PPP1R12B: variants seen among roughly 807,000 people sequenced by gnomAD.
PPP1R12B encodes the protein protein phosphatase 1 regulatory subunit 12B, also known as myosin phosphatase target subunit 2.
In PPP1R12B, 76 loss-of-function variants were observed where a neutral mutation model predicts 126.1. The ratio of observed to expected loss-of-function variants is 0.60; its 90% CI spans 0.50 to 0.73. The LOEUF is 0.73. Ranked by LOEUF, PPP1R12B falls within the 30% of genes least tolerant of loss-of-function variation. PPP1R12B has a pLI of 0.00. For synonymous variants in PPP1R12B, 356 were observed against 434.7 expected, an observed-to-expected ratio of 0.82 and a Z score of 2.25; for missense variants, 1,052 against 1,205.1, an observed-to-expected ratio of 0.87 and a Z score of 1.88.
At chr1:202,394,907 C>T (rs1351777537) in intron 1 of PPP1R12B, among the ~76,000 whole-genome samples, 1 of 151,902 alleles carries the variant, frequency 6.6e-6, no homozygotes, top group Non-Finnish European at 1.5e-5. Context: ...CACCTGAGGT[C>T]AGGAATTCAA....
intron 1 of PPP1R12B, among the ~76,000 whole-genome samples, chr1:202,357,323 G>T (rs1026426881): frequency 6.6e-6 from 1 of 152,186 alleles, no homozygotes; most frequent in Admixed American, 6.5e-5. Context: ...TGAGGAGAAG[G>T]CCTGTAAAAA....
chr1:202,348,918 C>T lies in PPP1R12B; in HGVS notation c.67C>T (p.Leu23Phe), dbSNP rs759410284. 1.2e-6 allele frequency: 2 copies of T among 1,608,654 alleles called. No individual in the cohort carries two copies. The highest frequency in any genetic ancestry group is 1.3e-5 in the African/African-American group (1 of 74,840). Residue 23 changes from leucine to phenylalanine, a missense_variant, in exon 1 of 24, where the codon CTT becomes TTT. Coordinates refer to ENST00000608999, the MANE Select transcript of PPP1R12B (RefSeq NM_002481.4). ...ESARMRRAEQLRRWRGSLTEQ... is the reference protein window; with the variant it reads ...ESARMRRAEQFRRWRGSLTEQ... ...GGCGCGAATGCGGCGGGCAGAGCAG[C>T]TTCGGCGCTGGCGGGGCTCGCTGAC...
chr1:202,438,136 T>C, intron 10 of PPP1R12B, 112 bp downstream of exon 10: 1 of 1,567,886 alleles, frequency 6.4e-7, no homozygotes, highest in Non-Finnish European at 8.6e-7. Context: ...ATTTTGGAAA[T>C]GCAAAGTCTT....
chr1:202,439,596 T>C (rs1671345041), intron 10 of PPP1R12B: 6 of 1,117,294 alleles, frequency 5.4e-6, no homozygotes, highest in Non-Finnish European at 8.0e-6. Context: ...ACCCCCTCTG[T>C]ACACCATGGA....
intron 18 of PPP1R12B, among the ~76,000 whole-genome samples, chr1:202,509,391 G>C (rs1204738539): frequency 6.6e-6 from 1 of 152,152 alleles, no homozygotes; most frequent in Non-Finnish European, 1.5e-5. Context: ...TAGTCTCTCT[G>C]TTATGTTTTA....
chr1:202,354,068 G>T (rs1177000351), intron 1 of PPP1R12B, among the ~76,000 whole-genome samples: 1 of 152,078 alleles, frequency 6.6e-6, no homozygotes, highest in African/African-American at 2.4e-5. Context: ...CAGTCTTGTT[G>T]TTAACATAAA....
intron 1 of PPP1R12B, among the ~76,000 whole-genome samples, chr1:202,365,179 G>C (rs2148424329): frequency 6.6e-6 from 1 of 152,234 alleles, no homozygotes. Flanking sequence ...GCCAGCTTTA[G>C]TGGCTCATGC....
chr1:202,359,736 G>A (rs896023805), intron 1 of PPP1R12B, among the ~76,000 whole-genome samples: 5 of 152,168 alleles, frequency 3.3e-5, no homozygotes, highest in Admixed American at 1.3e-4. Flanking sequence ...TCCGGGAGGC[G>A]GAGCTTGCAG....
At chr1:202,536,927 T>C (rs1053130613) in intron 18 of PPP1R12B, among the ~76,000 whole-genome samples, 9 of 152,254 alleles carry the variant, frequency 5.9e-5, no homozygotes, top group Non-Finnish European at 1.2e-4. Flanking sequence ...TCACTTCCTA[T>C]CATAACAATG....
intron 13 of PPP1R12B, among the ~76,000 whole-genome samples, chr1:202,452,097 C>CTCAGACGATGGGCAGCTG (rs1673047140): frequency 6.6e-6 from 1 of 151,884 alleles, no homozygotes; most frequent in South Asian, 2.1e-4. Flanking sequence ...CTCCCCACAT[C>CTCAGACGATGGGCAGCTG]TCAGACGATG....
chr1:202,557,682 T>C (rs1687099742), intron 18 of PPP1R12B, among the ~76,000 whole-genome samples: 1 of 152,214 alleles, frequency 6.6e-6, no homozygotes, highest in African/African-American at 2.4e-5. Flanking sequence ...GGCTGCATTC[T>C]AGACCTACTG....
At position 202,585,804 on chromosome 1, in the gene PPP1R12B, G is replaced by GCCTGCA. The variant is rs1423346679; in HGVS notation, c.*5244_*5245insCCTGCA. The GCCTGCA allele has an allele frequency of 2.6e-5, 4 of 152,154 alleles. No homozygotes were observed. Among genetic ancestry groups the GCCTGCA allele is most frequent in the Non-Finnish European group, 5.9e-5 (4 of 68,032 alleles). 9.4% of individuals were successfully genotyped at this position (152,154 alleles called of 1,614,324 possible). ...ATTAAAGCCTGCAGAGGTGGAAATT[G>GCCTGCA]GAGCTCATGGAGAAATGGATAGAAA... On this transcript the variant is annotated 3_prime_UTR_variant, in exon 24 of 24. Transcript: ENST00000608999.
intron 10 of PPP1R12B, chr1:202,439,201 A>C: frequency 6.8e-7 from 1 of 1,480,996 alleles, no homozygotes; most frequent in Middle Eastern, 1.7e-4. Context: ...ACTACTGCGC[A>C]GCCCTGTGCT....
intron 18 of PPP1R12B, among the ~76,000 whole-genome samples, chr1:202,551,316 A>C (rs1419655250): frequency 6.6e-6 from 1 of 152,354 alleles, no homozygotes; most frequent in East Asian, 1.9e-4. Context: ...GACATATGTG[A>C]TTTAATACTT....
chr1:202,434,810 A>C, intron 9 of PPP1R12B, 42 bp downstream of exon 9: 1 of 1,608,292 alleles, frequency 6.2e-7, no homozygotes, highest in Non-Finnish European at 8.5e-7. Context: ...ATTTCACCCT[A>C]CTGCAGTAGC....
chr1:202,361,000 C>T (rs898305875), intron 1 of PPP1R12B, among the ~76,000 whole-genome samples: 12 of 151,698 alleles, frequency 7.9e-5, no homozygotes, highest in Non-Finnish European at 1.3e-4. Context: ...ATGCCATTCT[C>T]CTGCCTCAGC....
intron 18 of PPP1R12B, 46 bp downstream of exon 18, chr1:202,496,868 G>A: frequency 2.6e-6 from 4 of 1,549,328 alleles, no homozygotes; most frequent in Non-Finnish European, 3.5e-6. Flanking sequence ...GCACAGTCTT[G>A]CTCTTGTATG....
intron 18 of PPP1R12B, among the ~76,000 whole-genome samples, chr1:202,525,495 G>A (rs1447073995): frequency 6.6e-6 from 1 of 151,916 alleles, no homozygotes; most frequent in Admixed American, 6.6e-5. Flanking sequence ...ATAACATTAT[G>A]ACCTTGATAA....
intron 1 of PPP1R12B, among the ~76,000 whole-genome samples, chr1:202,363,264 C>T (rs1437670266): frequency 6.6e-6 from 1 of 152,160 alleles, no homozygotes; most frequent in Non-Finnish European, 1.5e-5. Flanking sequence ...CTGTGTCTTG[C>T]TCTCAGGCAT....
Sources: gnomAD v4.1 joint callset for allele counts (sites outside exome capture counted in the v4.1 genomes callset) on GRCh38, gnomAD v4.1.1 for gene constraint, MANE v1.5 for transcripts, NCBI Gene and HGNC (gene_info 2026-07-23, HGNC 2026-07-21) for gene names.